CEP350: variants seen among roughly 807,000 people sequenced by gnomAD.
CEP350 encodes centrosome-associated protein 350.
Under a neutral mutation model 331.8 loss-of-function variants are expected in CEP350, and 126 were observed. The ratio of observed to expected loss-of-function variants is 0.38; its 90% CI spans 0.33 to 0.44. CEP350 has a LOEUF of 0.44. Among genes scored for constraint, CEP350 ranks in the 20% least tolerant of loss-of-function variants. CEP350 has a pLI of 1.00. For missense variants in CEP350, 3,406 were observed against 3,634.6 expected, an observed-to-expected ratio of 0.94 and a Z score of 1.62; for synonymous variants, 1,200 against 1,259.5, an observed-to-expected ratio of 0.95 and a Z score of 1.00.
chr1:180,041,085 T>C (rs1656729221), intron 17 of CEP350, 53 bp from the exon 18 acceptor site: 2 of 1,298,068 alleles, frequency 1.5e-6, no homozygotes, highest in East Asian at 2.5e-5. Context: ...TTATAGTCAC[T>C]GTGTTAAAAT....
At chr1:180,016,711 G>C (rs1043962951) in intron 11 of CEP350, among the ~76,000 whole-genome samples, 15 of 134,332 alleles carry the variant, frequency 1.1e-4, no homozygotes, top group Non-Finnish European at 6.1e-5. Context: ...GCCCAGATTG[G>C]AGTGCAGTGG....
intron 14 of CEP350, among the ~76,000 whole-genome samples, chr1:180,029,899 A>G (rs1461434340): frequency 6.6e-6 from 1 of 152,150 alleles, no homozygotes; most frequent in Admixed American, 6.5e-5. Context: ...TAGCTGTGTC[A>G]TGTAAGTGGA....
At chr1:180,102,134 ATTT>A (rs750296355) in intron 37 of CEP350, among the ~76,000 whole-genome samples, 25 of 133,856 alleles carry the variant, frequency 1.9e-4, no homozygotes, top group Non-Finnish European at 2.4e-4. Flanking sequence ...CACCCTTGAC[ATTT>A]TTTTTTTTTT....
At chr1:180,088,522 C>T (rs1659994305) in intron 32 of CEP350, among the ~76,000 whole-genome samples, 1 of 151,622 alleles carries the variant, frequency 6.6e-6, no homozygotes, top group Admixed American at 6.6e-5. Context: ...ATAGTGAAAA[C>T]CTTGTACTCA....
intron 27 of CEP350, 70 bp from the exon 28 acceptor site, chr1:180,074,952 A>T: frequency 1.5e-6 from 2 of 1,318,002 alleles, no homozygotes; most frequent in Non-Finnish European, 2.1e-6. Context: ...GTGGTGAGTG[A>T]TAGAGCTCTC....
At chr1:180,099,683 T>G (rs755742410) in intron 37 of CEP350, among the ~76,000 whole-genome samples, 10 of 152,208 alleles carry the variant, frequency 6.6e-5, no homozygotes, top group Non-Finnish European at 1.3e-4. Context: ...ACCGTTCTCA[T>G]GTATGTACCT....
chr1:180,047,898 C>A (rs968947834), intron 21 of CEP350, among the ~76,000 whole-genome samples: 13 of 151,500 alleles, frequency 8.6e-5, no homozygotes, highest in African/African-American at 3.2e-4. Flanking sequence ...AGAGTAAAAT[C>A]ATAGGATATA....
At chr1:179,991,405 G>A (rs988958372) in intron 4 of CEP350, among the ~76,000 whole-genome samples, 3 of 143,678 alleles carry the variant, frequency 2.1e-5, no homozygotes, top group Admixed American at 7.3e-5. Context: ...CAACCTCTAC[G>A]TCCTGGGTTT....
chr1:180,084,191 A>G lies in CEP350; in HGVS notation c.6285+13A>G, dbSNP rs1422973985. 1 of 1,571,656 alleles carries G rather than the reference A, an allele frequency of 6.4e-7. No individual in the cohort carries two copies. The highest frequency in any genetic ancestry group is 1.9e-5 in the Admixed American group (1 of 51,306). On this transcript the variant is annotated intron_variant, in intron 31 of 37. Coordinates refer to ENST00000367607, the MANE Select transcript of CEP350 (RefSeq NM_014810.5). ...CAAGCAGTTAGAGGTTAGACATAGG[A>G]AGAAGGGGGTTTAGTATCAAGGCTA...
chr1:179,991,707 G>GTGTGTGTGTGTGTGTGTATA (rs1385981536), intron 4 of CEP350, among the ~76,000 whole-genome samples: 1 of 96,942 alleles, frequency 1.0e-5, no homozygotes, highest in African/African-American at 3.8e-5. Context: ...GTGTGTGTGT[G>GTGTGTGTGTGTGTGTGTATA]TATATATATA....
chr1:180,103,966 AAT>A (rs1399555015), intron 37 of CEP350, among the ~76,000 whole-genome samples: 1 of 139,210 alleles, frequency 7.2e-6, no homozygotes, highest in Non-Finnish European at 1.5e-5. Flanking sequence ...AATATATACA[AAT>A]ATATATTTTA....
At chr1:180,011,067 G>C (rs917668310) in intron 8 of CEP350, among the ~76,000 whole-genome samples, 4 of 151,878 alleles carry the variant, frequency 2.6e-5, no homozygotes, top group African/African-American at 9.7e-5. Context: ...TCTGAAGCTA[G>C]TGGATGAAAA....
intron 1 of CEP350, among the ~76,000 whole-genome samples, chr1:179,968,099 G>A (rs1651152011): frequency 1.3e-5 from 2 of 152,184 alleles, no homozygotes; most frequent in African/African-American, 4.8e-5. Flanking sequence ...GGGAGGCCAA[G>A]GCGGGTGCAT....
intron 1 of CEP350, among the ~76,000 whole-genome samples, chr1:179,971,203 A>T (rs529092964): frequency 3.3e-5 from 5 of 151,480 alleles, no homozygotes; most frequent in African/African-American, 1.2e-4. Flanking sequence ...TAATTTTTGT[A>T]TTTTTAGTAG....
Position 180,093,795 on chromosome 1 carries a change from T to C in CEP350, c.7690T>C (p.Ser2564Pro), listed in dbSNP as rs934916616. 2.5e-6 allele frequency: 4 copies of C among 1,613,930 alleles called. No individual in the cohort carries two copies. Among genetic ancestry groups the C allele is most frequent in the Non-Finnish European group, 8.5e-7 (1 of 1,179,852 alleles). Residue 2564 changes from serine (S) to proline (P), a missense_variant, in exon 34 of 38, where the codon TCT (serine) becomes CCT (proline). Physicochemically the swap from Ser to Pro is moderately conservative, Grantham distance 74. Coordinates refer to ENST00000367607, the MANE Select transcript of CEP350 (RefSeq NM_014810.5). ...HGIFAPPQKI[S>P]HIPENFDDYV... ...TATTTTTGCTCCTCCTCAAAAAATA[T>C]CTCACATTCCAGAAAACTTTGATGA...
At chr1:180,095,395 T>TG in intron 34 of CEP350, 128 bp from the exon 35 acceptor site, 1 of 1,119,492 alleles carries the variant, frequency 8.9e-7, no homozygotes, top group Non-Finnish European at 1.2e-6. Context: ...CACCATATTG[T>TG]TTTTTATTCT....
At chr1:180,049,534 T>G (rs887762273) in intron 22 of CEP350, among the ~76,000 whole-genome samples, 13 of 146,444 alleles carry the variant, frequency 8.9e-5, no homozygotes, top group Admixed American at 2.0e-4. Flanking sequence ...GGACCAGACT[T>G]ACTTACACCT....
At chr1:179,973,347 A>C (rs968178314) in intron 1 of CEP350, among the ~76,000 whole-genome samples, 1 of 152,316 alleles carries the variant, frequency 6.6e-6, no homozygotes, top group East Asian at 1.9e-4. Flanking sequence ...TTTGCTTTGC[A>C]TGGGTAGCTG....
intron 32 of CEP350, among the ~76,000 whole-genome samples, chr1:180,089,998 A>T (rs1660074442): frequency 6.6e-6 from 1 of 152,166 alleles, no homozygotes; most frequent in Non-Finnish European, 1.5e-5. Context: ...AATAGAGTGA[A>T]TGTAGCCTCT....
Sources: gnomAD v4.1 joint callset for allele counts (sites outside exome capture counted in the v4.1 genomes callset) on GRCh38, gnomAD v4.1.1 for gene constraint, MANE v1.5 for transcripts, NCBI Gene and HGNC (gene_info 2026-07-23, HGNC 2026-07-21) for gene names.